Variants in TMCC1 observed in about 807,000 individuals in gnomAD.
TMCC1 encodes transmembrane and coiled-coil domain family 1, also known as transmembrane and coiled-coil domains protein 1.
In TMCC1, 15 loss-of-function variants were observed where a neutral mutation model predicts 52.4. The observed-to-expected ratio is 0.29, with a 90% CI of 0.19 to 0.44. TMCC1 has a LOEUF of 0.44. Among genes scored for constraint, TMCC1 ranks in the 20% least tolerant of loss-of-function variants. The probability of loss-of-function intolerance (pLI) is 1.00; values close to 1 mark genes in which losing one functional copy is unlikely to be tolerated. For missense variants in TMCC1, 503 were observed against 806.0 expected (o/e 0.62, Z 4.55); for synonymous variants, 279 against 301.9 (o/e 0.92, Z 0.79).
intron 4 of TMCC1, among the ~76,000 whole-genome samples, chr3:129,685,616 C>T (rs1346706819): frequency 2.6e-5 from 4 of 152,132 alleles, no homozygotes; most frequent in Non-Finnish European, 5.9e-5. Flanking sequence ...AATAATGGCA[C>T]AGGAGAGGGC....
At chr3:129,685,732 T>C (rs960319994) in intron 4 of TMCC1, among the ~76,000 whole-genome samples, 1 of 152,230 alleles carries the variant, frequency 6.6e-6, no homozygotes, top group African/African-American at 2.4e-5. Flanking sequence ...ACGATCTCCT[T>C]TGGGATTTAG....
intron 5 of TMCC1, among the ~76,000 whole-genome samples, chr3:129,660,208 C>T (rs772635081): frequency 3.9e-5 from 6 of 152,092 alleles, no homozygotes; most frequent in Non-Finnish European, 8.8e-5. Context: ...AGTGCAGTGG[C>T]GTGATCGTGG....
chr3:129,729,143 A>G (rs1351761894), intron 4 of TMCC1, among the ~76,000 whole-genome samples: 1 of 152,096 alleles, frequency 6.6e-6, no homozygotes, highest in Non-Finnish European at 1.5e-5. Flanking sequence ...AAAAATCACC[A>G]AATTTTTCCA....
At chr3:129,807,414 C>T (rs2057528457) in intron 4 of TMCC1, among the ~76,000 whole-genome samples, 1 of 152,060 alleles carries the variant, frequency 6.6e-6, no homozygotes, top group Non-Finnish European at 1.5e-5. Flanking sequence ...GTTTCCAGAT[C>T]CAGTCTTTGA....
In TMCC1 at chr3:129,670,992, C is replaced by T. The variant is rs2087888079; in HGVS notation, c.849G>A (p.Lys283=). 1 of 1,614,218 alleles carries T rather than the reference C, an allele frequency of 6.2e-7. No individual in the cohort carries two copies. Among genetic ancestry groups the T allele is most frequent in the South Asian group, 1.1e-5 (1 of 91,084 alleles). ...QAARIKQVFE[K]KNQKSAQTIL... is the part of the protein sequence containing the mutation. ...TAGTTTGGGCAGATTTCTGGTTCTTCTTCTCAAAGACTTGCTTGATGCGGG... is the reference window on the plus strand; with the variant it reads ...TAGTTTGGGCAGATTTCTGGTTCTTTTTCTCAAAGACTTGCTTGATGCGGG... The change falls in exon 5 of 7, where the codon AAG becomes AAA. Residue 283 remains lysine, a synonymous_variant. Coordinates refer to ENST00000393238, the MANE Select transcript of TMCC1 (RefSeq NM_001017395.5).
At chr3:129,862,642 A>T (rs529354928) in intron 2 of TMCC1, among the ~76,000 whole-genome samples, 67 of 152,338 alleles carry the variant, frequency 4.4e-4, no homozygotes, top group African/African-American at 1.4e-3. Flanking sequence ...AAATGAGGTT[A>T]GGCCTCATCC....
chr3:129,893,451 G>C (rs1560638848), intron 1 of TMCC1, 43 bp downstream of exon 1: 1 of 152,010 alleles, frequency 6.6e-6, no homozygotes, highest in Non-Finnish European at 1.5e-5. Flanking sequence ...CCGTGAGGGG[G>C]CCGCGACCGC....
In TMCC1 at chr3:129,817,959, T is replaced by C. The variant is rs564145430; in HGVS notation, c.576+9844A>G. ...ACTGGACTAGCTGGGACCACAGACA[T>C]GTGCCACGCCCGGTTAATTTTTGTA... On this transcript the variant is annotated intron_variant, in intron 4 of 6. Coordinates refer to ENST00000393238, the MANE Select transcript of TMCC1 (RefSeq NM_001017395.5). Among the ~76,000 whole-genome samples, 13 of 152,238 alleles carry C rather than the reference T, an allele frequency of 8.5e-5. No homozygotes were observed. In the South Asian group the frequency reaches 2.3e-3, roughly 27 times the overall value.
At chr3:129,661,423 C>A (rs2108862706) in intron 5 of TMCC1, among the ~76,000 whole-genome samples, 1 of 152,156 alleles carries the variant, frequency 6.6e-6, no homozygotes, top group Middle Eastern at 3.4e-3. Flanking sequence ...AAGAACCTGT[C>A]TCAAACAAAC....
intron 4 of TMCC1, among the ~76,000 whole-genome samples, chr3:129,700,016 T>G (rs1242438042): frequency 6.6e-6 from 1 of 152,196 alleles, no homozygotes; most frequent in Non-Finnish European, 1.5e-5. Flanking sequence ...ACACTTCTCA[T>G]CATTGATGGA....
chr3:129,808,659 A>C (rs2057608961), intron 4 of TMCC1, among the ~76,000 whole-genome samples: 1 of 151,748 alleles, frequency 6.6e-6, no homozygotes, highest in Admixed American at 6.6e-5. Flanking sequence ...TTATACTACA[A>C]AGCTCAAGTT....
chr3:129,749,273 A>G (rs2052284655), intron 4 of TMCC1, among the ~76,000 whole-genome samples: 1 of 152,150 alleles, frequency 6.6e-6, no homozygotes. Flanking sequence ...CCAATTACGA[A>G]TCATTTAAAC....
Position 129,649,660 on chromosome 3 carries a change from G to A in TMCC1, c.*1821C>T, listed in dbSNP as rs1448312439. On this transcript the variant is annotated 3_prime_UTR_variant, in exon 7 of 7. Coordinates refer to ENST00000393238, the MANE Select transcript of TMCC1 (RefSeq NM_001017395.5). ...TAAACTGTCCTTTCAGACAGGCAGG[G>A]CAATGCTAATCTAGTTCTGAAGGAA... 6.6e-6 allele frequency: 1 copy of A among 152,598 alleles called. No individual in the cohort carries two copies. Among genetic ancestry groups the A allele is most frequent in the Non-Finnish European group, 1.5e-5 (1 of 68,036 alleles). 9.5% of individuals were successfully genotyped at this position (152,598 alleles called of 1,614,324 possible).
chr3:129,797,394 C>G (rs1357034087), intron 4 of TMCC1, among the ~76,000 whole-genome samples: 2 of 151,364 alleles, frequency 1.3e-5, no homozygotes, highest in Non-Finnish European at 2.9e-5. Context: ...CAAATTCAAA[C>G]AAATAATAGG....
chr3:129,769,794 T>C (rs1031679562), intron 4 of TMCC1, among the ~76,000 whole-genome samples: 1 of 152,106 alleles, frequency 6.6e-6, no homozygotes, highest in African/African-American at 2.4e-5. Context: ...CCAAGAATAA[T>C]TAAACCACAC....
At chr3:129,726,365 G>A (rs1225750099) in intron 4 of TMCC1, among the ~76,000 whole-genome samples, 1 of 146,118 alleles carries the variant, frequency 6.8e-6, no homozygotes, top group Non-Finnish European at 1.5e-5. Context: ...GTGTTCTCTA[G>A]GCTACTATTT....
At chr3:129,802,729 CT>C (rs1167413702) in intron 4 of TMCC1, among the ~76,000 whole-genome samples, 1 of 152,174 alleles carries the variant, frequency 6.6e-6, no homozygotes, top group East Asian at 1.9e-4. Flanking sequence ...GTTTGTGCCC[CT>C]CTCTCCCTAC....
intron 4 of TMCC1, among the ~76,000 whole-genome samples, chr3:129,720,183 A>G (rs78231890): frequency 6.8e-6 from 1 of 146,308 alleles, no homozygotes; most frequent in Non-Finnish European, 1.5e-5. Flanking sequence ...CCCTGTCTCA[A>G]AAAAAAAAAA....
intron 4 of TMCC1, among the ~76,000 whole-genome samples, chr3:129,699,644 G>C (rs1576492140): frequency 6.6e-6 from 1 of 152,152 alleles, no homozygotes; most frequent in Non-Finnish European, 1.5e-5. Flanking sequence ...CTGACAAGAT[G>C]CAAGAACCCT....
Sources: gnomAD v4.1 joint callset for allele counts (sites outside exome capture counted in the v4.1 genomes callset) on GRCh38, gnomAD v4.1.1 for gene constraint, MANE v1.5 for transcripts, NCBI Gene and HGNC (gene_info 2026-07-23, HGNC 2026-07-21) for gene names.